The following LPAR1 variants were observed in gnomAD, a reference collection of about 807,000 sequenced individuals.
The protein encoded by LPAR1 is LPA receptor 1.
In LPAR1, 5 loss-of-function variants were observed where a neutral mutation model predicts 23.8. The ratio of observed to expected loss-of-function variants is 0.21; its 90% CI spans 0.11 to 0.44. The LOEUF is 0.44. Ranked by LOEUF, LPAR1 falls within the 20% of genes least tolerant of loss-of-function variation. The probability of loss-of-function intolerance (pLI) is 0.99; values close to 1 mark genes in which losing one functional copy is unlikely to be tolerated. For synonymous variants in LPAR1, 160 were observed against 164.7 expected (o/e 0.97, Z 0.22); for missense variants, 311 against 482.8 (o/e 0.64, Z 3.33).
Position 110,989,613 on chromosome 9 carries a change from A to G in LPAR1, c.-181-16055T>C, listed in dbSNP as rs562421536. ...CTGAATCAACCACTAAAAATAAAAT[A>G]AAGAATTATGGCTAACAATCCAACA... is the stretch of plus-strand genomic sequence containing the variant. On this transcript the variant is annotated intron_variant, in intron 2 of 5. Transcript: ENST00000683809. 3.3e-5 allele frequency among the ~76,000 whole-genome samples: 5 copies of G among 152,324 alleles called. No homozygotes were observed. The East Asian group carries it at 7.7e-4, about 23-fold the overall frequency.
chr9:110,923,544 C>T (rs2093788259), intron 5 of LPAR1, among the ~76,000 whole-genome samples: 1 of 152,190 alleles, frequency 6.6e-6, no homozygotes, highest in Admixed American at 6.5e-5. Flanking sequence ...ATAGGCTAAG[C>T]TATGATGTTC....
intron 5 of LPAR1, among the ~76,000 whole-genome samples, chr9:110,899,785 A>G (rs1048088967): frequency 5.3e-5 from 8 of 152,134 alleles, no homozygotes; most frequent in African/African-American, 1.9e-4. Context: ...ACATAAATTA[A>G]CCTAGCTCAG....
chr9:110,892,818 A>AGGCAGGC (rs1564386147), intron 5 of LPAR1, among the ~76,000 whole-genome samples: 3 of 97,342 alleles, frequency 3.1e-5, no homozygotes, highest in South Asian at 3.9e-4. Flanking sequence ...GGAAGGAAGG[A>AGGCAGGC]AGGAAGGAAG....
intron 5 of LPAR1, among the ~76,000 whole-genome samples, chr9:110,905,978 G>A (rs555071223): frequency 1.5e-3 from 221 of 152,310 alleles, no homozygotes; most frequent in South Asian, 1.2e-3. Context: ...TTTCAAACAC[G>A]TGACATGTAA....
intron 5 of LPAR1, among the ~76,000 whole-genome samples, chr9:110,935,440 C>G (rs532297653): frequency 1.6e-3 from 241 of 150,940 alleles, no homozygotes; most frequent in African/African-American, 5.8e-3. Flanking sequence ...CAATTATACA[C>G]AGCAATACAA....
At chr9:110,944,094 G>C (rs1183242662) in intron 4 of LPAR1, among the ~76,000 whole-genome samples, 2 of 152,098 alleles carry the variant, frequency 1.3e-5, no homozygotes, top group African/African-American at 4.8e-5. Context: ...TCTCAACAGT[G>C]AAAACAGTGG....
chr9:110,988,432 A>T (rs950204881), intron 2 of LPAR1, among the ~76,000 whole-genome samples: 1 of 152,132 alleles, frequency 6.6e-6, no homozygotes, highest in Non-Finnish European at 1.5e-5. Flanking sequence ...ACTTGTATCC[A>T]GAATAAAGAA....
intron 2 of LPAR1, among the ~76,000 whole-genome samples, chr9:110,975,828 C>T (rs1588639815): frequency 2.0e-5 from 3 of 152,180 alleles, no homozygotes; most frequent in African/African-American, 4.8e-5. Flanking sequence ...AGAAAATTAA[C>T]TGCCTTCTCC....
At chr9:110,917,201 T>C (rs1161272442) in intron 5 of LPAR1, among the ~76,000 whole-genome samples, 1 of 147,492 alleles carries the variant, frequency 6.8e-6, no homozygotes, top group Non-Finnish European at 1.5e-5. Flanking sequence ...AAAAAAAAAT[T>C]AGCCAGGCAT....
At chr9:110,934,722 C>T (rs2094584450) in intron 5 of LPAR1, among the ~76,000 whole-genome samples, 1 of 151,998 alleles carries the variant, frequency 6.6e-6, no homozygotes, top group African/African-American at 2.4e-5. Flanking sequence ...AAAATTAACA[C>T]AGGGAAAGTA....
chr9:110,975,536 A>G lies in LPAR1; in HGVS notation c.-181-1978T>C, dbSNP rs146913189. On this transcript the variant is annotated intron_variant, in intron 2 of 5. Transcript: ENST00000683809. ...TGAGGTCTGAACCAGGGCCTATGCT[A>G]AGATTCATACTCTTTCCATAGGCCA... Among the ~76,000 whole-genome samples, 287 of 152,350 alleles carry G rather than the reference A, an allele frequency of 1.9e-3. 4 individuals carry two copies. The highest frequency in any genetic ancestry group is 0.014 in the Middle Eastern group (4 of 294).
chr9:110,875,048 T>C lies in LPAR1; in HGVS notation c.*373A>G, dbSNP rs1237300504. 3.7e-5 allele frequency: 6 copies of C among 163,796 alleles called. No individual in the cohort carries two copies. The highest frequency in any genetic ancestry group is 7.9e-5 in the Non-Finnish European group (6 of 76,154). 10.1% of individuals were successfully genotyped at this position (163,796 alleles called of 1,614,324 possible). On this transcript the variant is annotated 3_prime_UTR_variant, in exon 6 of 6. Coordinates refer to ENST00000683809, the MANE Select transcript of LPAR1 (RefSeq NM_001351411.2). ...TAAAAATAAAAAAGGGAAGCCTGTA[T>C]ATAAATGAAGTTGTGGATTCAACTA...
intron 4 of LPAR1, 32 bp from the exon 5 acceptor site, chr9:110,942,200 A>G (rs755876769): frequency 6.4e-7 from 1 of 1,566,520 alleles, no homozygotes; most frequent in Non-Finnish European, 8.6e-7. Flanking sequence ...ATGATGAAAA[A>G]GAAGGCACAG....
At chr9:110,892,289 G>C (rs1325048206) in intron 5 of LPAR1, among the ~76,000 whole-genome samples, 2 of 152,194 alleles carry the variant, frequency 1.3e-5, no homozygotes, top group African/African-American at 4.8e-5. Flanking sequence ...GACAGAGAGA[G>C]AGAATGAGGA....
chr9:110,940,616 A>C (rs1274569560), intron 5 of LPAR1, among the ~76,000 whole-genome samples: 1 of 152,160 alleles, frequency 6.6e-6, no homozygotes, highest in Non-Finnish European at 1.5e-5. Flanking sequence ...AAAAACTCTC[A>C]CTCTACTCTC....
Position 110,978,899 on chromosome 9 carries a change from GT to G in LPAR1, c.-181-5342del, listed in dbSNP as rs1380466075. Among the ~76,000 whole-genome samples the G allele has an allele frequency of 2.0e-5, 3 of 152,188 alleles. No individual in the cohort carries two copies. In the East Asian group the frequency reaches 5.8e-4, roughly 29 times the overall value. ...CACAGAAGTAGAGAGCAAAGTGGTG[GT>G]TACCAAAGGCTGGGGTGGTTGTGGG... On this transcript the variant is annotated intron_variant, in intron 2 of 5. Coordinates refer to ENST00000683809, the MANE Select transcript of LPAR1 (RefSeq NM_001351411.2).
At chr9:111,035,724 A>G (rs2097881254) in intron 2 of LPAR1, among the ~76,000 whole-genome samples, 1 of 152,210 alleles carries the variant, frequency 6.6e-6, no homozygotes, top group South Asian at 2.1e-4. Flanking sequence ...AACATCAAAG[A>G]AAAGGAAGAC....
rs142533747 is a variant in LPAR1, at chr9:110,976,164, C to T, written c.-181-2606G>A. Among the ~76,000 whole-genome samples, 513 of 152,110 alleles carry T rather than the reference C, an allele frequency of 3.4e-3. 2 individuals are homozygous for T. Among genetic ancestry groups the T allele is most frequent in the Non-Finnish European group, 5.3e-3 (363 of 67,970 alleles). ...ACCCCCGCCTTACCAGAGCCCCAGACTGTCAACTAGAGAGTTGCACAATAA... is the reference window on the plus strand; with the variant it reads ...ACCCCCGCCTTACCAGAGCCCCAGATTGTCAACTAGAGAGTTGCACAATAA... On this transcript the variant is annotated intron_variant, in intron 2 of 5. Transcript: ENST00000683809.
At chr9:111,016,731 A>G (rs1030006) in intron 2 of LPAR1, among the ~76,000 whole-genome samples, 73,024 of 152,068 alleles carry the variant, frequency 0.48, 17,773 homozygotes, top group African/African-American at 0.55. Context: ...TATTCATAGG[A>G]AACATCCTGA....
Sources: allele counts gnomAD v4.1 joint callset (sites outside exome capture counted in the v4.1 genomes callset), GRCh38; gene constraint gnomAD v4.1.1; transcripts MANE v1.5; gene names NCBI Gene and HGNC (gene_info 2026-07-23, HGNC 2026-07-21).